ACP4: variants seen among roughly 807,000 people sequenced by gnomAD.
ACP4 encodes testicular acid phosphatase.
ACP4 carries 49 observed loss-of-function variants against 47.3 expected under a neutral mutation model. That is an observed-to-expected ratio of 1.04 (90% confidence interval 0.82 to 1.32). The LOEUF (loss-of-function observed/expected upper bound fraction) is 1.32. Among genes scored for constraint, ACP4 ranks in the 40% most tolerant of loss-of-function variants. The pLI is 0.00. For missense variants in ACP4, 594 were observed against 579.3 expected (o/e 1.03, Z -0.26); for synonymous variants, 299 against 265.3 (o/e 1.13, Z -1.23).
chr19:50,791,994 G>C, intron 4 of ACP4, 79 bp from the exon 5 acceptor site: 3 of 1,484,636 alleles, frequency 2.0e-6, no homozygotes, highest in Non-Finnish European at 2.7e-6. Context: ...CAGGGGCCGA[G>C]AGCCCGGGTT....
Position 50,794,812 on chromosome 19 carries a change from G to C in ACP4, c.1013G>C (p.Arg338Pro). Reference protein sequence around the residue: ...GGNVTVSLFYRNDSAHLPLPL... With the variant: ...GGNVTVSLFYPNDSAHLPLPL... ...AATGTCACCGTCTCCCTCTTCTACC[G>C]CAATGACTCCGCCCACCTGCCCCTG... Residue 338 changes from arginine (R) to proline (P), a missense_variant, in exon 10 of 11, where the codon CGC becomes CCC. Coordinates refer to ENST00000270593, the MANE Select transcript of ACP4 (RefSeq NM_033068.3). The C allele has an allele frequency of 3.1e-6, 5 of 1,608,388 alleles. No homozygotes were observed. Among genetic ancestry groups the C allele is most frequent in the Non-Finnish European group, 4.2e-6 (5 of 1,176,904 alleles).
Position 50,794,806 on chromosome 19 carries a change from T to G in ACP4, c.1007T>G (p.Phe336Cys), listed in dbSNP as rs1432153101. The G allele has an allele frequency of 6.2e-7, 1 of 1,607,498 alleles. No individual in the cohort carries two copies. Among genetic ancestry groups the G allele is most frequent in the South Asian group, 1.1e-5 (1 of 90,086 alleles). ...KDGGNVTVSL[F>C]YRNDSAHLPL... ...TCCAGGAATGTCACCGTCTCCCTCT[T>G]CTACCGCAATGACTCCGCCCACCTG... The change falls in exon 10 of 11, where the codon TTC (phenylalanine) becomes TGC (cysteine). Residue 336 changes from phenylalanine (F) to cysteine (C), a missense_variant. Phe to Cys is a radical substitution (Grantham distance 205, BLOSUM62 -2). Coordinates refer to ENST00000270593, the MANE Select transcript of ACP4 (RefSeq NM_033068.3).
At position 50,795,207 on chromosome 19, in the gene ACP4, T is replaced by C. The variant is rs370436321; in HGVS notation, c.*49T>C. On this transcript the variant is annotated 3_prime_UTR_variant, in exon 11 of 11. Coordinates refer to ENST00000270593, the MANE Select transcript of ACP4 (RefSeq NM_033068.3). ...CCCCAGCTGACACTGGACCCCAACATGTATGCTCAGTAGCTGCTCTGGCTT... is the reference window on the plus strand; with the variant it reads ...CCCCAGCTGACACTGGACCCCAACACGTATGCTCAGTAGCTGCTCTGGCTT... The C allele has an allele frequency of 1.9e-4, 275 of 1,458,476 alleles. 1 individual carries two copies. The highest frequency in any genetic ancestry group is 1.8e-3 in the Admixed American group (83 of 47,106). 90.3% of individuals were successfully genotyped at this position (1,458,476 alleles called of 1,614,324 possible).
Position 50,791,681 on chromosome 19 carries a change from A to G in ACP4, c.329A>G (p.Asp110Gly). Residue 110 changes from aspartate to glycine, a missense_variant, in exon 4 of 11, where the codon GAC (aspartate) becomes GGC (glycine). Coordinates refer to ENST00000270593, the MANE Select transcript of ACP4 (RefSeq NM_033068.3). The part of the protein sequence containing the change: ...EEVYIRSTDF[D>G]RTLESAQANL... ...GTGTACATCCGCAGCACGGACTTTG[A>G]CCGCACGCTGGAGAGTGCCCAGGCC... is the stretch of plus-strand genomic sequence containing the variant. 6.2e-7 allele frequency: 1 copy of G among 1,613,132 alleles called. No individual in the cohort carries two copies.
chr19:50,790,736 G>A, intron 2 of ACP4, 38 bp downstream of exon 2: 3 of 1,540,990 alleles, frequency 1.9e-6, no homozygotes, highest in East Asian at 2.5e-5. Flanking sequence ...AGGGTGGGAG[G>A]GGTGGGGAGT....
chr19:50,791,468 C>T (rs1393154624), intron 3 of ACP4, among the ~76,000 whole-genome samples, 188 bp from the exon 4 acceptor site: 3 of 152,172 alleles, frequency 2.0e-5, no homozygotes, highest in East Asian at 1.9e-4. Context: ...CAGCTTAGGA[C>T]GTCCAGCCCA....
Position 50,790,800 on chromosome 19 carries a change from G to A in ACP4, c.243G>A (p.Leu81=). ...TTEGVRQQLE[L]GRFLRSRYEA... ...AGGGGGTCCGCCAGCAGCTGGAGCT[G>A]GGCCGCTTCCTGAGGAGCCGCTACG... Residue 81 remains leucine, a synonymous_variant, in exon 3 of 11, where the codon CTG becomes CTA. Transcript: ENST00000270593. 6.5e-6 allele frequency: 10 copies of A among 1,548,530 alleles called. No homozygotes were observed. The highest frequency in any genetic ancestry group is 8.7e-6 in the Non-Finnish European group (10 of 1,146,778).
chr19:50,792,425 T>A, intron 6 of ACP4, 88 bp downstream of exon 6: 1 of 1,361,606 alleles, frequency 7.3e-7, no homozygotes, highest in South Asian at 1.3e-5. Context: ...CCCTCAGGCA[T>A]GTAGTTAATC....
rs764727401 is a variant in ACP4, at chr19:50,792,225, C to T, written c.550-17C>T. The T allele has an allele frequency of 2.5e-6, 4 of 1,612,442 alleles. No individual in the cohort carries two copies. The highest frequency in any genetic ancestry group is 2.7e-5 in the African/African-American group (2 of 74,936). ...TGCAGGGGATGGGCCTGGGCTCACC[C>T]AGCCCCGCGCATCCAGGGCTTCCTG... On this transcript the variant is annotated splice_polypyrimidine_tract_variant and intron_variant, in intron 5 of 10. Coordinates refer to ENST00000270593, the MANE Select transcript of ACP4 (RefSeq NM_033068.3).
Position 50,795,199 on chromosome 19 carries a change from C to T in ACP4, c.*41C>T, listed in dbSNP as rs1043112646. ...TTCCCTACCCCCAGCTGACACTGGA[C>T]CCCAACATGTATGCTCAGTAGCTGC... is the stretch of plus-strand genomic sequence containing the variant. On this transcript the variant is annotated 3_prime_UTR_variant, in exon 11 of 11. Transcript: ENST00000270593. 9 of 1,481,194 alleles carry T rather than the reference C, an allele frequency of 6.1e-6. No individual in the cohort carries two copies. The highest frequency in any genetic ancestry group is 7.2e-6 in the Non-Finnish European group (8 of 1,107,110). The allele number at this position is 1,481,194 out of a possible 1,614,324, so 91.8% of individuals were successfully genotyped here.
In ACP4 at chr19:50,790,533, G is replaced by A. The variant is rs1211723810; in HGVS notation, c.111+8G>A. On this transcript the variant is annotated splice_region_variant and intron_variant, in intron 1 of 10. Coordinates refer to ENST00000270593, the MANE Select transcript of ACP4 (RefSeq NM_033068.3). ...CTGGTGTTCGTGGCTCTGGTGAGGCGCCCCCACCCCGGCCTGCCCTTAGCT... is the reference window on the plus strand; with the variant it reads ...CTGGTGTTCGTGGCTCTGGTGAGGCACCCCCACCCCGGCCTGCCCTTAGCT... 15 of 1,542,442 alleles carry A rather than the reference G, an allele frequency of 9.7e-6. No homozygotes were observed. Among genetic ancestry groups the A allele is most frequent in the African/African-American group, 4.1e-5 (3 of 73,110 alleles).
In ACP4 at chr19:50,795,141, T is replaced by C. The variant is rs2089548591; in HGVS notation, c.1264T>C (p.Leu422=). 2.6e-6 allele frequency: 4 copies of C among 1,550,300 alleles called. No homozygotes were observed. Among genetic ancestry groups the C allele is most frequent in the South Asian group, 2.3e-5 (2 of 85,148 alleles). ...LAWRPGCLRA[L]GGPV Reference sequence around the variant, plus strand: ...CTGGAGACCAGGGTGCCTGCGGGCCTTGGGGGGCCCCGTGTGAGCCAGAAA... The same window carrying C: ...CTGGAGACCAGGGTGCCTGCGGGCCCTGGGGGGCCCCGTGTGAGCCAGAAA... The change falls in exon 11 of 11, where the codon TTG becomes CTG. Residue 422 remains leucine, a synonymous_variant. Transcript: ENST00000270593.
At chr19:50,794,069 G>A in intron 8 of ACP4, 99 bp downstream of exon 8, 1 of 1,397,470 alleles carries the variant, frequency 7.2e-7, no homozygotes, top group Non-Finnish European at 1.0e-6. Context: ...GTGGATCTCA[G>A]CCCACTGCCT....
intron 9 of ACP4, 92 bp from the exon 10 acceptor site, chr19:50,794,694 G>C: frequency 6.3e-7 from 1 of 1,582,722 alleles, no homozygotes; most frequent in Non-Finnish European, 8.6e-7. Flanking sequence ...ATGATGCTGG[G>C]AGGATGACAG....
rs1310028807 is a variant in ACP4, at chr19:50,790,713, G to C, written c.216+15G>C. The C allele has an allele frequency of 3.9e-6, 6 of 1,543,966 alleles. No individual in the cohort carries two copies. Among genetic ancestry groups the C allele is most frequent in the Non-Finnish European group, 5.2e-6 (6 of 1,145,934 alleles). ...AGCTGACCACGGTGAGAAGCGGGTA[G>C]GCGGTGAGGGCAAGGGTGGGAGGGG... On this transcript the variant is annotated intron_variant, in intron 2 of 10. Coordinates refer to ENST00000270593, the MANE Select transcript of ACP4 (RefSeq NM_033068.3).
rs747785351 is a variant in ACP4, at chr19:50,793,938, G to C, written c.829G>C (p.Gly277Arg). The C allele has an allele frequency of 1.9e-6, 3 of 1,614,084 alleles. No individual in the cohort carries two copies. Among genetic ancestry groups the C allele is most frequent in the South Asian group, 1.1e-5 (1 of 91,082 alleles). The part of the protein sequence containing the change: ...LANFSRVQRL[G>R]LPLKMVMYSA... ...AAACTTCTCCCGGGTCCAGCGCCTG[G>C]GGCTGCCCCTCAAGATGGTCATGTA... is the stretch of plus-strand genomic sequence containing the variant. The change falls in exon 8 of 11, where the codon GGG becomes CGG. Residue 277 changes from glycine (G) to arginine (R), a missense_variant. Physicochemically the swap from Gly to Arg is moderately radical, Grantham distance 125 (BLOSUM62 -2). Coordinates refer to ENST00000270593, the MANE Select transcript of ACP4 (RefSeq NM_033068.3).
intron 6 of ACP4, 30 bp from the exon 7 acceptor site, chr19:50,793,653 AG>A: frequency 6.2e-7 from 1 of 1,607,488 alleles, no homozygotes; most frequent in Non-Finnish European, 8.5e-7. Flanking sequence ...TCGAGGGCTC[AG>A]GATGGTCCAT....
intron 8 of ACP4, 98 bp from the exon 9 acceptor site, chr19:50,794,359 T>C: frequency 3.3e-6 from 5 of 1,526,534 alleles, no homozygotes; most frequent in Non-Finnish European, 4.4e-6. Context: ...GGGGGTTGGT[T>C]CTAAGAAGCC....
In ACP4 at chr19:50,792,328, CAT is replaced by C; in HGVS notation, c.637_638del (p.Met213ValfsTer76). ...RRAWKVLDTLMCQQAHGLPLP... is the reference protein window; with the variant it reads ...RRAWKVLDTLXCQQAHGLPLP... ...GGGCATGGAAGGTTCTGGACACCCT[CAT>C]GTGCCAGGTGAGCCCTGCCCCTTCC... is the stretch of plus-strand genomic sequence containing the variant. On this transcript the variant is annotated frameshift_variant, in exon 6 of 11. Transcript: ENST00000270593. LOFTEE classifies it high-confidence loss of function. 6.2e-7 allele frequency: 1 copy of C among 1,613,262 alleles called. No individual in the cohort carries two copies. The highest frequency in any genetic ancestry group is 8.5e-7 in the Non-Finnish European group (1 of 1,180,004).
Sources: allele counts gnomAD v4.1 joint callset (sites outside exome capture counted in the v4.1 genomes callset), GRCh38; gene constraint gnomAD v4.1.1; transcripts MANE v1.5; gene names NCBI Gene and HGNC (gene_info 2026-07-23, HGNC 2026-07-21).